Variants in ADGRG2 observed in about 807,000 individuals in gnomAD.
The protein encoded by ADGRG2 is adhesion G protein-coupled receptor G2.
ADGRG2 carries 26 observed loss-of-function variants against 74.1 expected under a neutral mutation model. The ratio of observed to expected loss-of-function variants is 0.35; its 90% CI spans 0.26 to 0.49. ADGRG2 has a LOEUF of 0.49. ADGRG2 is among the 20% of genes least tolerant of loss of function. The pLI, the probability that ADGRG2 is intolerant of heterozygous loss-of-function variation, is 0.99. For missense variants in ADGRG2, 619 were observed against 763.1 expected (o/e 0.81, Z 2.22); for synonymous variants, 296 against 295.2 (o/e 1.00, Z -0.03).
intron 28 of ADGRG2, among the ~76,000 whole-genome samples, chrX:18,994,474 G>C (rs748800165): frequency 9.2e-6 from 1 of 108,905 alleles, no homozygotes; most frequent in Non-Finnish European, 1.9e-5. Flanking sequence ...TCCAGCCTGG[G>C]CAACAAGAGT....
At chrX:19,050,728 A>C (rs1471886732) in intron 3 of ADGRG2, among the ~76,000 whole-genome samples, 5 of 111,386 alleles carry the variant, frequency 4.5e-5, no homozygotes, top group African/African-American at 1.6e-4. Context: ...TCTCTAAAAA[A>C]ATTTTTTTTA....
chrX:19,010,307 G>C (rs1200359935), intron 17 of ADGRG2, among the ~76,000 whole-genome samples: 4 of 109,895 alleles, frequency 3.6e-5, no homozygotes, highest in African/African-American at 1.3e-4. Context: ...TTTTAGTAGA[G>C]ACGGGGTTTC....
rs139222179 is a variant in ADGRG2, at chrX:19,017,009, G to A, written c.710+2590C>T. ...CTCCCAAAGTGCTGAGATTACAGGCGTGAGCCACCATGCCCAGCTGCATCA... is the reference window on the plus strand; with the variant it reads ...CTCCCAAAGTGCTGAGATTACAGGCATGAGCCACCATGCCCAGCTGCATCA... On this transcript the variant is annotated intron_variant, in intron 15 of 28. Coordinates refer to ENST00000379869, the MANE Select transcript of ADGRG2 (RefSeq NM_001079858.3). Among the ~76,000 whole-genome samples, 13 of 111,301 alleles carry A rather than the reference G, an allele frequency of 1.2e-4. 1 individual carries two copies. The highest frequency in any genetic ancestry group is 3.8e-4 in the Admixed American group (4 of 10,441).
chrX:19,028,070 G>A, intron 10 of ADGRG2, 113 bp downstream of exon 10: 1 of 482,478 alleles, frequency 2.1e-6, no homozygotes. Flanking sequence ...TTTAAATTTG[G>A]TCATAACAAT....
rs1261728749 is a variant in ADGRG2, at chrX:19,014,034, G to A, written c.751C>T (p.Arg251Cys). The change falls in exon 16 of 29, where the codon CGT (arginine) becomes TGT (cysteine). Residue 251 changes from arginine (R) to cysteine (C), a missense_variant. Arg to Cys is a radical substitution (Grantham distance 180). Transcript: ENST00000379869. ...DPIVCLADHPRGPPFSSSQSI... is the reference protein window; with the variant it reads ...DPIVCLADHPCGPPFSSSQSI... ...TGGCTGGAAGAAAATGGTGGGCCAC[G>A]TGGATGGTCAGCAAGACAGACAATG... 7.5e-6 allele frequency: 9 copies of A among 1,207,188 alleles called. No individual in the cohort carries two copies. The highest frequency in any genetic ancestry group is 3.0e-5 in the East Asian group (1 of 33,804).
At position 19,037,578 on chromosome X, in the gene ADGRG2, C is replaced by A; in HGVS notation, c.202+11G>T. 8.6e-7 allele frequency: 1 copy of A among 1,163,770 alleles called. No individual in the cohort carries two copies. The highest frequency in any genetic ancestry group is 3.1e-5 in the East Asian group (1 of 32,462). On this transcript the variant is annotated intron_variant, in intron 5 of 28. Transcript: ENST00000379869. ...GACTAAATCTAGGTTTAAATTTTTT[C>A]AAAATCTTGCCTGGAGTACCATTGG... is the stretch of plus-strand genomic sequence containing the variant.
intron 3 of ADGRG2, among the ~76,000 whole-genome samples, chrX:19,053,542 C>T (rs1411500858): frequency 8.9e-6 from 1 of 111,879 alleles, no homozygotes; most frequent in Non-Finnish European, 1.9e-5. Flanking sequence ...CTGGCTCTGC[C>T]ATTTGCTAAC....
intron 16 of ADGRG2, among the ~76,000 whole-genome samples, 185 bp downstream of exon 16, chrX:19,013,485 ATGATTAAATTAGATAT>A (rs1442630730): frequency 1.8e-5 from 2 of 112,172 alleles, no homozygotes; most frequent in Non-Finnish European, 3.8e-5. Flanking sequence ...GAAGAGAGGA[ATGATTAAATTAGATAT>A]TGATTAAATT....
At chrX:19,025,134 C>T (rs2060673514) in intron 11 of ADGRG2, among the ~76,000 whole-genome samples, 2 of 111,809 alleles carry the variant, frequency 1.8e-5, no homozygotes, top group Admixed American at 1.9e-4. Context: ...GGTTTAATTG[C>T]TCCTGCTGCT....
intron 2 of ADGRG2, among the ~76,000 whole-genome samples, chrX:19,078,471 C>A (rs762715710): frequency 9.0e-6 from 1 of 110,961 alleles, no homozygotes; most frequent in African/African-American, 3.3e-5. Context: ...GCAAGAGGAT[C>A]GCTTGAGGCA....
At chrX:18,997,991 G>A (rs1398356161) in intron 26 of ADGRG2, among the ~76,000 whole-genome samples, 1 of 112,588 alleles carries the variant, frequency 8.9e-6, no homozygotes, top group Admixed American at 9.4e-5. Flanking sequence ...CAGCAGACAC[G>A]TCTTTCATAA....
At chrX:19,037,215 C>T (rs1174211066) in intron 6 of ADGRG2, among the ~76,000 whole-genome samples, 2 of 111,787 alleles carry the variant, frequency 1.8e-5, no homozygotes, top group East Asian at 2.8e-4. Context: ...AAAATGTGAT[C>T]GATATTTCTT....
At chrX:19,053,639 A>AT (rs1324938565) in intron 3 of ADGRG2, among the ~76,000 whole-genome samples, 3 of 112,295 alleles carry the variant, frequency 2.7e-5, no homozygotes, top group Non-Finnish European at 5.6e-5. Context: ...AACAGGACAT[A>AT]CTTCATAGGT....
intron 28 of ADGRG2, among the ~76,000 whole-genome samples, chrX:18,993,065 G>T (rs2059951841): frequency 8.9e-6 from 1 of 112,436 alleles, no homozygotes; most frequent in African/African-American, 3.2e-5. Flanking sequence ...GCTATTTGGT[G>T]TAGAGCCCAG....
intron 1 of ADGRG2, 57 bp downstream of exon 1, chrX:19,122,385 C>T (rs1293954242): frequency 1.8e-5 from 2 of 112,136 alleles, no homozygotes; most frequent in Non-Finnish European, 3.8e-5. Context: ...GCCGGCTGTG[C>T]GAGTCTGGGT....
At chrX:19,014,642 A>AT (rs898849790) in intron 15 of ADGRG2, among the ~76,000 whole-genome samples, 1 of 109,482 alleles carries the variant, frequency 9.1e-6, no homozygotes, top group Non-Finnish European at 1.9e-5. Flanking sequence ...TACCCAGAAC[A>AT]TTTTTTTTTG....
Position 19,106,620 on chromosome X carries a change from T to A in ADGRG2, c.-47+15822A>T, listed in dbSNP as rs192627413. The stretch of plus-strand genomic sequence containing the variant: ...TTTGAAAGAAGTTGCTATTCCAGGT[T>A]AAAAAAAGAGCACTGCGGCTGGGTG... On this transcript the variant is annotated intron_variant, in intron 1 of 28. Coordinates refer to ENST00000379869, the MANE Select transcript of ADGRG2 (RefSeq NM_001079858.3). Among the ~76,000 whole-genome samples, 538 of 109,396 alleles carry A rather than the reference T, an allele frequency of 4.9e-3. 4 individuals are homozygous for A. Among genetic ancestry groups the A allele is most frequent in the African/African-American group, 0.017 (508 of 30,065 alleles). 95.0% of individuals were successfully genotyped at this position (109,396 alleles called of 115,157 possible).
chrX:19,119,577 T>C (rs1334761299), intron 1 of ADGRG2, among the ~76,000 whole-genome samples: 1 of 111,771 alleles, frequency 8.9e-6, no homozygotes, highest in Non-Finnish European at 1.9e-5. Context: ...TTTTGTTAAT[T>C]TAATAGCACT....
At chrX:19,009,018 C>A (rs1235460407) in intron 18 of ADGRG2, among the ~76,000 whole-genome samples, 1 of 111,192 alleles carries the variant, frequency 9.0e-6, no homozygotes, top group Admixed American at 9.6e-5. Context: ...GTTATAATAT[C>A]GAAATGTGAT....
Sources: gnomAD v4.1 joint callset for allele counts (sites outside exome capture counted in the v4.1 genomes callset) on GRCh38, gnomAD v4.1.1 for gene constraint, MANE v1.5 for transcripts, NCBI Gene and HGNC (gene_info 2026-07-23, HGNC 2026-07-21) for gene names.